The following DOK6 variants were observed in gnomAD, a reference collection of about 807,000 sequenced individuals.
DOK6 encodes downstream of tyrosine kinase 6.
In DOK6, 22 loss-of-function variants were observed where a neutral mutation model predicts 44.0. The ratio of observed to expected loss-of-function variants is 0.50; its 90% CI spans 0.36 to 0.71. The LOEUF is 0.71. Among genes scored for constraint, DOK6 ranks in the 30% least tolerant of loss-of-function variants. The pLI, the probability that DOK6 is intolerant of heterozygous loss-of-function variation, is 0.00. For missense variants in DOK6, 340 were observed against 416.4 expected, an observed-to-expected ratio of 0.82 and a Z score of 1.60; for synonymous variants, 166 against 145.5, an observed-to-expected ratio of 1.14 and a Z score of -1.01.
chr18:69,787,383 A>G (rs1345909439), intron 7 of DOK6, among the ~76,000 whole-genome samples: 2 of 152,196 alleles, frequency 1.3e-5, no homozygotes, highest in African/African-American at 4.8e-5. Flanking sequence ...CTTTATTTGT[A>G]ACATACGTAT....
chr18:69,489,939 A>C (rs1980687438), intron 1 of DOK6, among the ~76,000 whole-genome samples: 1 of 152,132 alleles, frequency 6.6e-6, no homozygotes, highest in African/African-American at 2.4e-5. Flanking sequence ...AAAAAAAAAA[A>C]AAACCCTATC....
intron 1 of DOK6, among the ~76,000 whole-genome samples, chr18:69,439,178 G>A (rs565166560): frequency 1.3e-5 from 2 of 152,302 alleles, no homozygotes; most frequent in South Asian, 4.1e-4. Flanking sequence ...CTTTTTCTAA[G>A]CAGTAGGTCT....
chr18:69,541,668 C>G (rs1982272539), intron 1 of DOK6, among the ~76,000 whole-genome samples: 1 of 151,456 alleles, frequency 6.6e-6, no homozygotes, highest in African/African-American at 2.4e-5. Flanking sequence ...TTACCTTCCA[C>G]AACCATGCAC....
chr18:69,599,461 T>G lies in DOK6; in HGVS notation c.252T>G (p.Phe84Leu). 1 of 1,614,014 alleles carries G rather than the reference T, an allele frequency of 6.2e-7. No homozygotes were observed. Among genetic ancestry groups the G allele is most frequent in the Non-Finnish European group, 8.5e-7 (1 of 1,179,962 alleles). The change falls in exon 3 of 8, where the codon TTT (phenylalanine) becomes TTG (leucine). Residue 84 changes from phenylalanine (F) to leucine (L), a missense_variant. Around this residue, in one of 3 missense-constraint regions of DOK6, gnomAD observed 206 missense variants for 258.6 expected, o/e 0.80. Transcript: ENST00000382713. ...AGAAGCATGCGGTGGCAATCATCTT[T>G]CACGATGAAACATCGAAGACATTTG... Reference protein sequence around the residue: ...ETKKHAVAIIFHDETSKTFAC... With the variant: ...ETKKHAVAIILHDETSKTFAC...
chr18:69,541,323 A>G (rs1031768539), intron 1 of DOK6, among the ~76,000 whole-genome samples: 6 of 151,458 alleles, frequency 4.0e-5, no homozygotes, highest in Non-Finnish European at 8.9e-5. Context: ...GGGGAAATTG[A>G]TGCCTTATTC....
At chr18:69,529,449 C>T (rs1281828762) in intron 1 of DOK6, among the ~76,000 whole-genome samples, 6 of 152,160 alleles carry the variant, frequency 3.9e-5, no homozygotes, top group Non-Finnish European at 5.9e-5. Context: ...CTGCAACCTC[C>T]GCAATCTTTA....
At chr18:69,526,400 T>C (rs1306787441) in intron 1 of DOK6, among the ~76,000 whole-genome samples, 2 of 152,204 alleles carry the variant, frequency 1.3e-5, no homozygotes, top group Non-Finnish European at 2.9e-5. Flanking sequence ...AGTTAATCAG[T>C]ATTGTGGCAT....
chr18:69,504,238 T>C (rs1188761443), intron 1 of DOK6, among the ~76,000 whole-genome samples: 2 of 152,096 alleles, frequency 1.3e-5, no homozygotes, highest in Non-Finnish European at 2.9e-5. Flanking sequence ...TCTATCTCTT[T>C]GTTGTTTAAA....
intron 1 of DOK6, among the ~76,000 whole-genome samples, chr18:69,548,155 G>T (rs1235884794): frequency 6.7e-6 from 1 of 150,372 alleles, no homozygotes; most frequent in Non-Finnish European, 1.5e-5. Context: ...GGGTTTCACG[G>T]TGTTAGCCAG....
At chr18:69,661,465 A>G (rs2144672227) in intron 3 of DOK6, 1 of 152,338 alleles carries the variant, frequency 6.6e-6, no homozygotes, top group East Asian at 1.9e-4. Flanking sequence ...GCAACTAAAG[A>G]GCAAAAAGAA....
chr18:69,738,868 G>A (rs1204695987), intron 5 of DOK6, 97 bp from the exon 6 acceptor site: 7 of 1,476,432 alleles, frequency 4.7e-6, no homozygotes, highest in African/African-American at 1.4e-5. Flanking sequence ...GAGGTCAGGA[G>A]GAGGAGGCAC....
intron 1 of DOK6, among the ~76,000 whole-genome samples, chr18:69,479,890 G>T (rs1259848518): frequency 6.6e-6 from 1 of 152,150 alleles, no homozygotes; most frequent in South Asian, 2.1e-4. Flanking sequence ...TTGTGAGTGT[G>T]TGGTAGGGAC....
At chr18:69,621,593 A>C (rs539506555) in intron 3 of DOK6, among the ~76,000 whole-genome samples, 19 of 152,216 alleles carry the variant, frequency 1.2e-4, no homozygotes, top group African/African-American at 4.6e-4. Flanking sequence ...TAAGCTGGGG[A>C]GTGAGGCCAT....
intron 7 of DOK6, among the ~76,000 whole-genome samples, chr18:69,780,442 A>C (rs142602618): frequency 9.1e-4 from 138 of 152,238 alleles, no homozygotes; most frequent in African/African-American, 3.1e-3. Flanking sequence ...AAATACAAAA[A>C]TTAGCCGTGC....
intron 7 of DOK6, chr18:69,777,894 C>A (rs1980127714): frequency 1.3e-5 from 2 of 151,842 alleles, no homozygotes; most frequent in Non-Finnish European, 2.9e-5. Flanking sequence ...TCCAGGAAAT[C>A]ATGAAAATCG....
intron 7 of DOK6, among the ~76,000 whole-genome samples, chr18:69,822,463 A>AG (rs34636189): frequency 0.26 from 39,919 of 152,090 alleles, 5,249 homozygotes; most frequent in Non-Finnish European, 0.27. Context: ...TGATGTAAAA[A>AG]GTTCAGGTGG....
chr18:69,768,982 T>TG (rs1555669805), intron 7 of DOK6, among the ~76,000 whole-genome samples: 7 of 151,058 alleles, frequency 4.6e-5, no homozygotes, highest in East Asian at 3.9e-4. Context: ...TGTGTGTGTG[T>TG]TGAATGCCTG....
chr18:69,787,873 A>G (rs1431298404), intron 7 of DOK6, among the ~76,000 whole-genome samples: 1 of 152,202 alleles, frequency 6.6e-6, no homozygotes, highest in African/African-American at 2.4e-5. Context: ...TTTCTCCTCC[A>G]TGCTCTACCT....
chr18:69,772,711 T>A (rs1354592477), intron 7 of DOK6, among the ~76,000 whole-genome samples: 4 of 151,854 alleles, frequency 2.6e-5, no homozygotes, highest in African/African-American at 9.7e-5. Flanking sequence ...CTCAAAATGG[T>A]TTAAAGACAA....
Sources: allele counts gnomAD v4.1 joint callset (sites outside exome capture counted in the v4.1 genomes callset), GRCh38; gene constraint gnomAD v4.1.1; regional missense constraint gnomAD v4.1.1; transcripts MANE v1.5; gene names NCBI Gene and HGNC (gene_info 2026-07-23, HGNC 2026-07-21).